TMEM132C: variants seen among roughly 807,000 people sequenced by gnomAD.
TMEM132C encodes transmembrane protein 132C.
In TMEM132C, 29 loss-of-function variants were observed where a neutral mutation model predicts 61.4. The observed-to-expected ratio is 0.47, with a 90% CI of 0.35 to 0.64. TMEM132C has a LOEUF of 0.64. TMEM132C is among the 30% of genes least tolerant of loss of function. The probability of loss-of-function intolerance (pLI) is 0.00; values close to 1 mark genes in which losing one functional copy is unlikely to be tolerated. For synonymous variants in TMEM132C, 656 were observed against 633.1 expected (o/e 1.04, Z -0.54); for missense variants, 1,408 against 1,476.9 (o/e 0.95, Z 0.76).
At chr12:128,655,172 G>T (rs906994917) in intron 4 of TMEM132C, among the ~76,000 whole-genome samples, 1 of 152,196 alleles carries the variant, frequency 6.6e-6, no homozygotes, top group Non-Finnish European at 1.5e-5. Context: ...TGTCCAGCCT[G>T]GTCTGCTCCG....
At chr12:128,362,335 G>A (rs1873732497) in intron 1 of TMEM132C, among the ~76,000 whole-genome samples, 1 of 152,140 alleles carries the variant, frequency 6.6e-6, no homozygotes, top group Non-Finnish European at 1.5e-5. Context: ...TTGTTAGAAG[G>A]TCTCTCAGTA....
At chr12:128,530,607 C>A (rs1283402539) in intron 2 of TMEM132C, among the ~76,000 whole-genome samples, 2 of 152,152 alleles carry the variant, frequency 1.3e-5, no homozygotes, top group Non-Finnish European at 2.9e-5. Context: ...CCACGCCCAT[C>A]TAATTTTTGT....
rs535006939 is a variant in TMEM132C at position 128,512,905 on chromosome 12, G to A, written c.975-31052G>A. On this transcript the variant is annotated intron_variant, in intron 2 of 8. Coordinates refer to ENST00000435159, the MANE Select transcript of TMEM132C (RefSeq NM_001136103.3). Reference sequence around the variant, plus strand: ...AAGCCAAGAATGTGTGACTTTCCACGCTCTCAATCTGAGTTCATGCGACAG... The same window carrying A: ...AAGCCAAGAATGTGTGACTTTCCACACTCTCAATCTGAGTTCATGCGACAG... 2.6e-4 allele frequency among the ~76,000 whole-genome samples: 39 copies of A among 152,274 alleles called. No individual in the cohort carries two copies. In the East Asian group the frequency reaches 5.2e-3, roughly 20 times the overall value.
At chr12:128,346,141 C>T (rs757752777) in intron 1 of TMEM132C, among the ~76,000 whole-genome samples, 22 of 152,168 alleles carry the variant, frequency 1.4e-4, no homozygotes, top group South Asian at 4.1e-4. Context: ...CTTACCCTAG[C>T]ACTAATTATT....
At chr12:128,409,175 A>C (rs1470721724) in intron 1 of TMEM132C, among the ~76,000 whole-genome samples, 2 of 152,196 alleles carry the variant, frequency 1.3e-5, no homozygotes, top group African/African-American at 4.8e-5. Context: ...CCGTGCCCTC[A>C]TGTAGCATAA....
chr12:128,526,696 C>T lies in TMEM132C; in HGVS notation c.975-17261C>T, dbSNP rs529964902. ...GATAGAGAAGATAAGGCAAATCCCA[C>T]TTGATATGAGCCTCCCTAAGGTGGG... On this transcript the variant is annotated intron_variant, in intron 2 of 8. Transcript: ENST00000435159. Among the ~76,000 whole-genome samples, 10 of 152,308 alleles carry T rather than the reference C, an allele frequency of 6.6e-5. No homozygotes were observed. In the South Asian group the frequency reaches 2.1e-3, roughly 32 times the overall value.
chr12:128,338,321 G>A (rs1338524156), intron 1 of TMEM132C, among the ~76,000 whole-genome samples: 2 of 152,106 alleles, frequency 1.3e-5, no homozygotes, highest in Non-Finnish European at 2.9e-5. Flanking sequence ...ACCAAAAAGC[G>A]TGCCTTCCGA....
intron 2 of TMEM132C, among the ~76,000 whole-genome samples, chr12:128,431,796 A>G (rs1869398528): frequency 6.6e-6 from 1 of 152,034 alleles, no homozygotes. Flanking sequence ...ACCACAAGTG[A>G]TTCACCTGCC....
intron 2 of TMEM132C, among the ~76,000 whole-genome samples, chr12:128,485,473 G>A (rs534036135): frequency 3.9e-5 from 6 of 152,216 alleles, no homozygotes; most frequent in South Asian, 2.1e-4. Context: ...CACCACAGCC[G>A]GCCTCCCATT....
In TMEM132C at chr12:128,622,363, ATATATATAT is replaced by A. The variant is rs1565994568; in HGVS notation, c.1305+6029_1305+6037del. On this transcript the variant is annotated intron_variant, in intron 4 of 8. Transcript: ENST00000435159. ...TGTCTCAAAAAAAAAAAAAAAAAAT[ATATATATAT>A]ATATATATATATATATATATATATA... is the stretch of plus-strand genomic sequence containing the variant. Among the ~76,000 whole-genome samples the A allele has an allele frequency of 5.6e-3, 320 of 56,730 alleles. 21 individuals carry two copies. Among genetic ancestry groups the A allele is most frequent in the African/African-American group, 0.023 (266 of 11,392 alleles). 37.2% of individuals were successfully genotyped at this position (56,730 alleles called of 152,430 possible).
intron 3 of TMEM132C, among the ~76,000 whole-genome samples, chr12:128,586,087 A>T (rs1875536965): frequency 6.6e-6 from 1 of 152,208 alleles, no homozygotes; most frequent in South Asian, 2.1e-4. Flanking sequence ...AGAACAAATA[A>T]AACGGGAATA....
In TMEM132C at chr12:128,301,670, G is replaced by A. The variant is rs368258575; in HGVS notation, c.85+34183G>A. The stretch of plus-strand genomic sequence containing the variant: ...TGCAAGGATTGGAGGAAAGAGTTCC[G>A]TTTCATTTGCATTGGGACTTGGCAA... On this transcript the variant is annotated intron_variant, in intron 1 of 8. Coordinates refer to ENST00000435159, the MANE Select transcript of TMEM132C (RefSeq NM_001136103.3). 6.6e-5 allele frequency among the ~76,000 whole-genome samples: 10 copies of A among 152,158 alleles called. No individual in the cohort carries two copies. In the East Asian group the frequency reaches 1.2e-3, roughly 18 times the overall value.
chr12:128,399,325 A>G (rs1875068696), intron 1 of TMEM132C, among the ~76,000 whole-genome samples: 1 of 152,216 alleles, frequency 6.6e-6, no homozygotes, highest in East Asian at 1.9e-4. Flanking sequence ...ATTTATATGA[A>G]TTGAGATAAT....
chr12:128,316,416 G>A (rs1872154950), intron 1 of TMEM132C, among the ~76,000 whole-genome samples: 1 of 152,202 alleles, frequency 6.6e-6, no homozygotes, highest in Non-Finnish European at 1.5e-5. Flanking sequence ...CTGAGGATTT[G>A]TAGTTGATTT....
intron 1 of TMEM132C, among the ~76,000 whole-genome samples, chr12:128,389,414 G>A (rs566127144): frequency 1.5e-3 from 222 of 152,276 alleles, no homozygotes; most frequent in Non-Finnish European, 1.5e-3. Flanking sequence ...CCGCTGGGAC[G>A]GTCAGGAAGT....
intron 3 of TMEM132C, among the ~76,000 whole-genome samples, chr12:128,614,836 A>T (rs1431555230): frequency 6.6e-6 from 1 of 152,222 alleles, no homozygotes; most frequent in African/African-American, 2.4e-5. Context: ...AATTGAATGT[A>T]TTTACTACAC....
intron 1 of TMEM132C, among the ~76,000 whole-genome samples, chr12:128,305,946 G>A (rs1246322767): frequency 2.6e-5 from 4 of 152,122 alleles, no homozygotes; most frequent in African/African-American, 7.2e-5. Context: ...ATCTCAAGGA[G>A]TCAGTAATCC....
At chr12:128,299,706 G>A (rs1375734464) in intron 1 of TMEM132C, among the ~76,000 whole-genome samples, 7 of 152,308 alleles carry the variant, frequency 4.6e-5, no homozygotes, top group East Asian at 1.9e-4. Context: ...GTATAGCTTG[G>A]TCACCTTAAG....
intron 2 of TMEM132C, among the ~76,000 whole-genome samples, chr12:128,523,748 C>G (rs561690863): frequency 1.3e-5 from 2 of 150,998 alleles, no homozygotes; most frequent in East Asian, 3.9e-4. Flanking sequence ...ATCTGTAATC[C>G]CAGCACTTTG....
Sources: allele counts gnomAD v4.1 joint callset (sites outside exome capture counted in the v4.1 genomes callset), GRCh38; gene constraint gnomAD v4.1.1; transcripts MANE v1.5; gene names NCBI Gene and HGNC (gene_info 2026-07-23, HGNC 2026-07-21).